The following UBE2E2 variants were observed in gnomAD, a reference collection of about 807,000 sequenced individuals.
UBE2E2 encodes the protein ubiquitin-conjugating enzyme E2 E2.
In UBE2E2, 6 loss-of-function variants were observed where a neutral mutation model predicts 24.7. That is an observed-to-expected ratio of 0.24 (90% CI 0.13 to 0.48). The LOEUF (loss-of-function observed/expected upper bound fraction) is 0.48, where lower values mean the gene tolerates loss of function less well. UBE2E2 is among the 20% of genes least tolerant of loss of function. The probability of loss-of-function intolerance (pLI) is 0.99; values close to 1 mark genes in which losing one functional copy is unlikely to be tolerated. For synonymous variants in UBE2E2, 104 were observed against 83.6 expected (o/e 1.24, Z -1.33); for missense variants, 169 against 245.0 (o/e 0.69, Z 2.07).
At chr3:23,541,679 A>G (rs1158978263) in intron 5 of UBE2E2, among the ~76,000 whole-genome samples, 1 of 151,386 alleles carries the variant, frequency 6.6e-6, no homozygotes, top group African/African-American at 2.5e-5. Context: ...TTTTTGGAAA[A>G]TGCAATGGTT....
At position 23,591,289 on chromosome 3, in the gene UBE2E2, A is replaced by G. The variant is rs1287785973; in HGVS notation, c.*1458A>G. 1 of 152,190 alleles carries G rather than the reference A, an allele frequency of 6.6e-6. No individual in the cohort carries two copies. The highest frequency in any genetic ancestry group is 1.5e-5 in the Non-Finnish European group (1 of 68,032). 9.4% of individuals were successfully genotyped at this position (152,190 alleles called of 1,614,324 possible). ...TGGTCTCATTTAAGGAACCATTAAC[A>G]CCTTCACTGCTGAAAAGCAGGATTT... On this transcript the variant is annotated 3_prime_UTR_variant, in exon 6 of 6. Coordinates refer to ENST00000396703, the MANE Select transcript of UBE2E2 (RefSeq NM_152653.4).
chr3:23,324,672 G>C (rs1406378446), intron 3 of UBE2E2, among the ~76,000 whole-genome samples: 2 of 151,928 alleles, frequency 1.3e-5, no homozygotes, highest in Admixed American at 6.6e-5. Context: ...TTTGTATCCT[G>C]TTATCACAGG....
At chr3:23,297,069 G>A (rs1051873790) in intron 3 of UBE2E2, among the ~76,000 whole-genome samples, 2 of 152,192 alleles carry the variant, frequency 1.3e-5, no homozygotes, top group African/African-American at 2.4e-5. Context: ...GTGATGACGA[G>A]CACTTTTTCA....
intron 5 of UBE2E2, among the ~76,000 whole-genome samples, chr3:23,561,684 C>T (rs200929174): frequency 0.28 from 42,523 of 150,056 alleles, 6,388 homozygotes; most frequent in East Asian, 0.49. Flanking sequence ...TTTCACGATA[C>T]TGATTCTTCC....
chr3:23,424,358 C>A (rs896210504), intron 3 of UBE2E2, among the ~76,000 whole-genome samples: 2 of 151,656 alleles, frequency 1.3e-5, no homozygotes, highest in African/African-American at 4.8e-5. Context: ...AAAGAAGCAG[C>A]TAGCTGGGGT....
intron 3 of UBE2E2, among the ~76,000 whole-genome samples, chr3:23,447,329 C>A (rs1698455995): frequency 1.3e-5 from 2 of 152,324 alleles, no homozygotes; most frequent in Non-Finnish European, 2.9e-5. Flanking sequence ...TTTGTCCCAA[C>A]ATCAGGAGCC....
At chr3:23,437,954 G>A (rs939914267) in intron 3 of UBE2E2, among the ~76,000 whole-genome samples, 2 of 152,178 alleles carry the variant, frequency 1.3e-5, no homozygotes, top group Non-Finnish European at 2.9e-5. Flanking sequence ...TATGAGCACA[G>A]TGACTACAAA....
chr3:23,235,568 G>A (rs1439757224), intron 3 of UBE2E2, among the ~76,000 whole-genome samples: 1 of 152,092 alleles, frequency 6.6e-6, no homozygotes, highest in East Asian at 1.9e-4. Flanking sequence ...TTGGAGGTGG[G>A]TAAAAGAGTA....
At chr3:23,296,331 G>T (rs1413225236) in intron 3 of UBE2E2, among the ~76,000 whole-genome samples, 1 of 150,818 alleles carries the variant, frequency 6.6e-6, no homozygotes, top group African/African-American at 2.4e-5. Flanking sequence ...TATTATTATT[G>T]TATGTTAAGT....
intron 3 of UBE2E2, among the ~76,000 whole-genome samples, chr3:23,269,201 T>G (rs549735106): frequency 3.3e-5 from 5 of 149,910 alleles, no homozygotes; most frequent in Admixed American, 2.0e-4. Context: ...AACTGAAAAA[T>G]GGGATCTAAT....
At chr3:23,290,119 T>A (rs1320946592) in intron 3 of UBE2E2, among the ~76,000 whole-genome samples, 2 of 152,362 alleles carry the variant, frequency 1.3e-5, no homozygotes, top group East Asian at 3.9e-4. Context: ...AGAATATGTA[T>A]GTATATGTCT....
chr3:23,213,046 T>C (rs1489801009), intron 2 of UBE2E2, among the ~76,000 whole-genome samples: 1 of 152,062 alleles, frequency 6.6e-6, no homozygotes, highest in Non-Finnish European at 1.5e-5. Flanking sequence ...TTCAATTGAT[T>C]AGAGTAGGGG....
At chr3:23,250,695 A>G (rs778580228) in intron 3 of UBE2E2, among the ~76,000 whole-genome samples, 4 of 152,240 alleles carry the variant, frequency 2.6e-5, no homozygotes, top group Non-Finnish European at 5.9e-5. Context: ...TCCTTATGAT[A>G]TGGCATACTT....
At chr3:23,228,160 C>T (rs1696875204) in intron 3 of UBE2E2, among the ~76,000 whole-genome samples, 1 of 152,108 alleles carries the variant, frequency 6.6e-6, no homozygotes, top group Non-Finnish European at 1.5e-5. Flanking sequence ...TGCCTTTAAT[C>T]ATAGCTTTAA....
chr3:23,346,321 AG>A (rs1243584459), intron 3 of UBE2E2, among the ~76,000 whole-genome samples: 2 of 152,234 alleles, frequency 1.3e-5, no homozygotes, highest in Admixed American at 6.5e-5. Context: ...AGATAGTAAA[AG>A]ATTAGTACCT....
intron 3 of UBE2E2, among the ~76,000 whole-genome samples, chr3:23,490,725 T>A (rs1029936066): frequency 6.6e-6 from 1 of 152,204 alleles, no homozygotes; most frequent in African/African-American, 2.4e-5. Context: ...GGAAGTATTA[T>A]GATGATTAAG....
At chr3:23,527,855 C>G (rs1695035484) in intron 4 of UBE2E2, among the ~76,000 whole-genome samples, 1 of 151,978 alleles carries the variant, frequency 6.6e-6, no homozygotes, top group Non-Finnish European at 1.5e-5. Context: ...CGTACCTTAC[C>G]TTATGCTTAT....
chr3:23,520,990 T>C (rs1411886211), intron 4 of UBE2E2, among the ~76,000 whole-genome samples: 2 of 152,190 alleles, frequency 1.3e-5, no homozygotes, highest in Non-Finnish European at 2.9e-5. Context: ...TTCTACACTT[T>C]TGTAGGCTGT....
At chr3:23,264,186 C>T (rs1214929692) in intron 3 of UBE2E2, among the ~76,000 whole-genome samples, 2 of 152,078 alleles carry the variant, frequency 1.3e-5, no homozygotes, top group Non-Finnish European at 2.9e-5. Flanking sequence ...CCTAGGAAGT[C>T]TTACCTTTGC....
Sources: allele counts gnomAD v4.1 joint callset (sites outside exome capture counted in the v4.1 genomes callset), GRCh38; gene constraint gnomAD v4.1.1; transcripts MANE v1.5; gene names NCBI Gene and HGNC (gene_info 2026-07-23, HGNC 2026-07-21).